The following NEBL variants were observed in gnomAD, a reference collection of about 807,000 sequenced individuals.
NEBL encodes LIM and SH3 protein 2.
Under a neutral mutation model 140.2 loss-of-function variants are expected in NEBL, and 122 were observed. The observed-to-expected ratio is 0.87, with a 90% confidence interval of 0.75 to 1.01. The LOEUF is 1.01. Among genes scored for constraint, NEBL ranks in the 50% least tolerant of loss-of-function variants. NEBL has a pLI of 0.00. For missense variants in NEBL, 1,365 were observed against 1,231.3 expected (o/e 1.11, Z -1.62); for synonymous variants, 436 against 398.9 (o/e 1.09, Z -1.11).
chr10:21,173,803 C>G lies in NEBL; in HGVS notation c.31G>C (p.Val11Leu), dbSNP rs371100252. 1.1e-5 allele frequency: 18 copies of G among 1,612,914 alleles called. No individual in the cohort carries two copies. The African/African-American group carries it at 2.4e-4, about 22-fold the overall frequency. ...TTGACTTTCTCGGTGGGATACACGA[C>G]TTTTCCGCAACGGGCGCACTGGGGG... is the stretch of plus-strand genomic sequence containing the variant. The change falls in exon 1 of 7, where the codon GTC (valine) becomes CTC (leucine). Residue 11 changes from valine (V) to leucine (L), a missense_variant. Physicochemically the swap from Val to Leu is conservative, Grantham distance 32. Transcript: ENST00000417816. The surrounding 1 kb of genome is among the most constrained non-coding windows in gnomAD (Gnocchi z 5.7).
intron 4 of NEBL, among the ~76,000 whole-genome samples, chr10:20,923,881 AG>A (rs1008467856): frequency 1.3e-5 from 2 of 151,852 alleles, no homozygotes; most frequent in African/African-American, 2.4e-5. Flanking sequence ...GAATAAAAGG[AG>A]GGGAGAGCTG....
At chr10:21,137,104 T>A (rs1190511617) in intron 2 of NEBL, among the ~76,000 whole-genome samples, 1 of 152,210 alleles carries the variant, frequency 6.6e-6, no homozygotes, top group African/African-American at 2.4e-5. Context: ...TGGTCGTTGG[T>A]CTTAGGTAGA....
intron 12 of NEBL, among the ~76,000 whole-genome samples, chr10:20,841,847 A>G (rs1428334745): frequency 6.6e-6 from 1 of 152,134 alleles, no homozygotes; most frequent in African/African-American, 2.4e-5. Context: ...CATGCAATTT[A>G]AAGAATTGGA....
chr10:20,904,265 C>A (rs567185768), intron 4 of NEBL, among the ~76,000 whole-genome samples: 1 of 152,220 alleles, frequency 6.6e-6, no homozygotes, highest in Admixed American at 6.5e-5. Context: ...ACCCTTTTTG[C>A]ACCTATTTGT....
intron 27 of NEBL, 52 bp downstream of exon 27, chr10:20,787,150 G>C: frequency 7.6e-7 from 1 of 1,317,274 alleles, no homozygotes; most frequent in African/African-American, 1.4e-5. Flanking sequence ...TTACATGCTT[G>C]AGGGGAAATG....
chr10:21,169,378 T>A (rs1840979263), intron 2 of NEBL, among the ~76,000 whole-genome samples: 1 of 151,960 alleles, frequency 6.6e-6, no homozygotes, highest in African/African-American at 2.4e-5. Flanking sequence ...GGTAGCAGTA[T>A]ACATAAGAAA....
intron 4 of NEBL, among the ~76,000 whole-genome samples, chr10:20,923,695 A>AT (rs1833721568): frequency 6.8e-6 from 1 of 148,058 alleles, no homozygotes; most frequent in Non-Finnish European, 1.5e-5. Flanking sequence ...AAAAAAAAAA[A>AT]AGAAATGGTT....
At chr10:20,817,241 C>A (rs1838805144) in intron 21 of NEBL, among the ~76,000 whole-genome samples, 1 of 152,132 alleles carries the variant, frequency 6.6e-6, no homozygotes, top group African/African-American at 2.4e-5. Flanking sequence ...GCAGCATGTG[C>A]CTGTAATCCC....
chr10:20,909,145 AC>A (rs1377973653), intron 4 of NEBL, among the ~76,000 whole-genome samples: 28 of 67,526 alleles, frequency 4.1e-4, no homozygotes, highest in African/African-American at 2.0e-3. Flanking sequence ...CGTTTGAGTT[AC>A]AAACATCCAA....
At chr10:21,253,661 A>G (rs1238488823) in intron 1 of NEBL, among the ~76,000 whole-genome samples, 2 of 149,220 alleles carry the variant, frequency 1.3e-5, no homozygotes, top group African/African-American at 2.5e-5. Context: ...CTCCTGCCTC[A>G]GCCTCCCGAG....
intron 9 of NEBL, among the ~76,000 whole-genome samples, chr10:20,853,742 G>A (rs762201479): frequency 2.0e-5 from 3 of 152,250 alleles, no homozygotes; most frequent in East Asian, 1.9e-4. Flanking sequence ...GAAGAGTGGT[G>A]GGGAGAGGAG....
chr10:20,869,715 T>C (rs1442786331), intron 6 of NEBL, 25 bp downstream of exon 6: 5 of 1,503,758 alleles, frequency 3.3e-6, no homozygotes, highest in African/African-American at 1.4e-5. Context: ...ATCATTTCCG[T>C]TCAAGGTTTA....
chr10:20,926,494 A>G (rs940685061), intron 4 of NEBL, among the ~76,000 whole-genome samples: 4 of 152,166 alleles, frequency 2.6e-5, no homozygotes, highest in African/African-American at 9.7e-5. Flanking sequence ...GCCTATACCT[A>G]TATGAAAATT....
intron 2 of NEBL, among the ~76,000 whole-genome samples, chr10:21,053,915 C>T (rs530224225): frequency 6.6e-6 from 1 of 152,216 alleles, no homozygotes; most frequent in Admixed American, 6.5e-5. Context: ...CACCTGTAAT[C>T]CCAGCTACTC....
At chr10:20,797,613 G>A (rs1836681373) in intron 26 of NEBL, among the ~76,000 whole-genome samples, 1 of 152,076 alleles carries the variant, frequency 6.6e-6, no homozygotes, top group African/African-American at 2.4e-5. Flanking sequence ...CGTCTCAGAG[G>A]GCCCAAATTC....
chr10:21,096,959 G>C (rs757586689), intron 2 of NEBL, among the ~76,000 whole-genome samples: 1 of 151,236 alleles, frequency 6.6e-6, no homozygotes, highest in African/African-American at 2.4e-5. Flanking sequence ...TTACAAAAAG[G>C]CTCAATCAAA....
chr10:20,949,286 G>C (rs1298550393), intron 4 of NEBL, among the ~76,000 whole-genome samples: 1 of 152,066 alleles, frequency 6.6e-6, no homozygotes, highest in Non-Finnish European at 1.5e-5. Flanking sequence ...TCACACACTA[G>C]GGCCTGTTGG....
intron 13 of NEBL, 22 bp from the exon 14 acceptor site, chr10:20,835,645 A>G: frequency 6.7e-7 from 1 of 1,502,674 alleles, no homozygotes; most frequent in East Asian, 2.3e-5. Flanking sequence ...AACATTTTAC[A>G]ACATTCAAAC....
intron 3 of NEBL, among the ~76,000 whole-genome samples, chr10:20,994,382 T>C (rs1837583725): frequency 6.6e-6 from 1 of 152,182 alleles, no homozygotes; most frequent in African/African-American, 2.4e-5. Flanking sequence ...ATCTATGAGA[T>C]CCAAAAAGAG....
Sources: gnomAD v4.1 joint callset for allele counts (sites outside exome capture counted in the v4.1 genomes callset) on GRCh38, gnomAD v4.1.1 for gene constraint, Gnocchi (gnomAD v3.1) non-coding constraint, MANE v1.5 for transcripts, NCBI Gene and HGNC (gene_info 2026-07-23, HGNC 2026-07-21) for gene names.